The following CIMIP2A variants were observed in gnomAD, a reference collection of about 807,000 sequenced individuals.
The protein encoded by CIMIP2A is ciliary microtubule inner protein 2A.
the CIMIP2A span, chr9:137,244,308 C>G: frequency 2.2e-5 from 35 of 1,612,880 alleles, no homozygotes; most frequent in South Asian, 1.6e-4. Flanking sequence ...CAGGAAGGTG[C>G]TAACAAGCTC....
At chr9:137,253,469 T>C in the CIMIP2A span, 1 of 1,432,992 alleles carries the variant, frequency 7.0e-7, no homozygotes, top group Non-Finnish European at 9.1e-7. Context: ...ACTGAGATGC[T>C]GTTGGTTTTC....
the CIMIP2A span, chr9:137,244,114 C>A: frequency 6.6e-7 from 1 of 1,522,438 alleles, no homozygotes; most frequent in Admixed American, 1.7e-5. Context: ...GCAGGTAGAG[C>A]CGTCCCTCCC....
chr9:137,244,252 T>A, the CIMIP2A span: 7 of 1,613,682 alleles, frequency 4.3e-6, no homozygotes, highest in Non-Finnish European at 5.9e-6. Flanking sequence ...CCAGGCAGCT[T>A]CTCGCCCAGG....
chr9:137,244,618 A>G, the CIMIP2A span: 1 of 1,612,258 alleles, frequency 6.2e-7, no homozygotes, highest in East Asian at 2.2e-5. Flanking sequence ...AGCTGGGAGC[A>G]GGCCCTGGAT....
chr9:137,253,719 A>G, the CIMIP2A span, among the ~76,000 whole-genome samples: 2 of 152,184 alleles, frequency 1.3e-5, no homozygotes, highest in Non-Finnish European at 2.9e-5. Context: ...GGCCTGGTCT[A>G]GCTGCTGTCC....
At chr9:137,254,635 G>GT in the CIMIP2A span, among the ~76,000 whole-genome samples, 1 of 152,268 alleles carries the variant, frequency 6.6e-6, no homozygotes, top group African/African-American at 2.4e-5. Context: ...GAGGGTGTGT[G>GT]TAGGGGGCTT....
At chr9:137,247,693 T>A in the CIMIP2A span, 1 of 1,613,456 alleles carries the variant, frequency 6.2e-7, no homozygotes, top group Non-Finnish European at 8.5e-7. Context: ...CGTGAAGAGA[T>A]CGTGTTTCTG....
the CIMIP2A span, chr9:137,251,412 G>A: frequency 6.3e-7 from 1 of 1,584,770 alleles, no homozygotes; most frequent in Non-Finnish European, 8.7e-7. Context: ...TGGCGGAGAG[G>A]GGGAGAAGGG....
chr9:137,245,770 C>A, the CIMIP2A span: 2 of 1,557,872 alleles, frequency 1.3e-6, no homozygotes, highest in African/African-American at 1.4e-5. Flanking sequence ...CTTCTGCACA[C>A]TGGGGTCTGT....
the CIMIP2A span, chr9:137,245,442 G>A: frequency 6.2e-7 from 1 of 1,613,954 alleles, no homozygotes. Context: ...CGGGCGTGAA[G>A]CCTGCAGGCA....
chr9:137,251,068 C>CT, the CIMIP2A span: 2 of 562,342 alleles, frequency 3.6e-6, no homozygotes, highest in Admixed American at 6.1e-5. Flanking sequence ...AGGGAGAGGG[C>CT]TGGGCCAGGA....
chr9:137,251,031 G>A, the CIMIP2A span: 152 of 496,572 alleles, frequency 3.1e-4, 1 homozygote, highest in South Asian at 1.6e-3. Context: ...GTGCAGGAGA[G>A]GGGAGAAGGC....
At chr9:137,245,757 G>C in the CIMIP2A span, 1 of 1,583,586 alleles carries the variant, frequency 6.3e-7, no homozygotes, top group Non-Finnish European at 8.6e-7. Flanking sequence ...CAGAGCAGGG[G>C]CTCTTCTGCA....
the CIMIP2A span, chr9:137,244,791 C>A: frequency 6.3e-7 from 1 of 1,594,204 alleles, no homozygotes; most frequent in Non-Finnish European, 8.5e-7. Context: ...TTCCCCTGGG[C>A]ACACCCACCT....
At chr9:137,250,004 T>C in the CIMIP2A span, among the ~76,000 whole-genome samples, 1 of 152,042 alleles carries the variant, frequency 6.6e-6, no homozygotes, top group South Asian at 2.1e-4. Flanking sequence ...GGAGGCCTTC[T>C]TGGGATGGAG....
the CIMIP2A span, chr9:137,243,843 G>C: frequency 6.4e-7 from 1 of 1,574,072 alleles, no homozygotes; most frequent in Admixed American, 1.7e-5. Flanking sequence ...GACCAGCATG[G>C]GCTGGACACC....
the CIMIP2A span, chr9:137,244,816 CA>C: frequency 1.3e-6 from 2 of 1,576,906 alleles, no homozygotes; most frequent in Non-Finnish European, 1.7e-6. Flanking sequence ...TCAGACGTGT[CA>C]GGGAAGCCAG....
At chr9:137,243,976 G>C in the CIMIP2A span, among the ~76,000 whole-genome samples, 1 of 152,014 alleles carries the variant, frequency 6.6e-6, no homozygotes. Context: ...CCTGTGTCTG[G>C]GACTTAGGTG....
At chr9:137,254,485 T>A in the CIMIP2A span, among the ~76,000 whole-genome samples, 1 of 152,198 alleles carries the variant, frequency 6.6e-6, no homozygotes, top group Non-Finnish European at 1.5e-5. Flanking sequence ...GATGGAGCGA[T>A]CTCCTCCAGC....
Sources: gnomAD v4.1 joint callset for allele counts (sites outside exome capture counted in the v4.1 genomes callset) on GRCh38, gnomAD v4.1.1 for gene constraint, MANE v1.5 for transcripts, NCBI Gene and HGNC (gene_info 2026-07-23, HGNC 2026-07-21) for gene names.